The following KLHDC4 variants were observed in gnomAD, a reference collection of about 807,000 sequenced individuals.
KLHDC4 encodes the protein kelch domain containing 4.
A neutral mutation model predicts 62.4 loss-of-function variants in KLHDC4; 90 were observed. The ratio of observed to expected loss-of-function variants is 1.44; its 90% confidence interval spans 1.22 to 1.72. The LOEUF is 1.72. KLHDC4 is among the 40% of genes most tolerant of loss of function. KLHDC4 has a pLI of 0.00. For synonymous variants in KLHDC4, 386 were observed against 284.4 expected (o/e 1.36, Z -3.59); for missense variants, 1,025 against 699.7 (o/e 1.47, Z -5.25).
At chr16:87,734,871 GAGA>G (rs1165523073) in intron 5 of KLHDC4, among the ~76,000 whole-genome samples, 1 of 151,980 alleles carries the variant, frequency 6.6e-6, no homozygotes, top group Non-Finnish European at 1.5e-5. Context: ...AGAGTCAATT[GAGA>G]AGAAAACCCC....
intron 7 of KLHDC4, among the ~76,000 whole-genome samples, chr16:87,715,676 C>G (rs1335776118): frequency 6.6e-6 from 1 of 152,158 alleles, no homozygotes; most frequent in South Asian, 2.1e-4. Flanking sequence ...ATCATTAGGA[C>G]GATCCCCGGG....
At chr16:87,730,424 C>CCAAAGCT in intron 6 of KLHDC4, 128 bp downstream of exon 6, 1 of 773,828 alleles carries the variant, frequency 1.3e-6, no homozygotes. Flanking sequence ...GTGTGGCTGC[C>CCAAAGCT]CAAAGCTCAT....
chr16:87,737,394 C>G (rs1003337186), intron 5 of KLHDC4, among the ~76,000 whole-genome samples: 1 of 152,006 alleles, frequency 6.6e-6, no homozygotes, highest in African/African-American at 2.4e-5. Context: ...TCAAGACCAG[C>G]CTGGCCAACA....
chr16:87,702,081 C>A (rs761836586), exon 1 of KLHDC4: 3 of 454,342 alleles, frequency 6.6e-6, no homozygotes, highest in South Asian at 4.7e-5. Flanking sequence ...ACTTGTGACC[C>A]CCGAGATCAG....
rs547610066 is a variant in KLHDC4 at position 87,724,315 on chromosome 16, A to G, written c.759+2450T>C. Among the ~76,000 whole-genome samples, 5 of 152,336 alleles carry G rather than the reference A, an allele frequency of 3.3e-5. No individual in the cohort carries two copies. In the South Asian group the frequency reaches 1.0e-3, roughly 32 times the overall value. On this transcript the variant is annotated intron_variant, in intron 7 of 11. Transcript: ENST00000270583. ...AGAAAATCTTTGTTACTGAAGCTAA[A>G]CAAGGTCTTCCTGTATCACAGACCG...
chr16:87,752,059 C>T (rs986305479), intron 4 of KLHDC4, among the ~76,000 whole-genome samples: 3 of 117,468 alleles, frequency 2.6e-5, no homozygotes, highest in Non-Finnish European at 4.9e-5. Context: ...CACTGCACTC[C>T]AGCCTGGGCA....
At chr16:87,727,974 C>T (rs991779821) in intron 6 of KLHDC4, among the ~76,000 whole-genome samples, 1 of 152,000 alleles carries the variant, frequency 6.6e-6, no homozygotes, top group South Asian at 2.1e-4. Flanking sequence ...TCACTTGAGG[C>T]GAGGAGTTCA....
At chr16:87,742,717 C>A (rs1444012702) in intron 5 of KLHDC4, among the ~76,000 whole-genome samples, 4 of 152,126 alleles carry the variant, frequency 2.6e-5, no homozygotes, top group African/African-American at 7.2e-5. Flanking sequence ...CTAGGGTCTA[C>A]GTGGAGTACG....
chr16:87,737,868 G>T (rs143446686), intron 5 of KLHDC4, among the ~76,000 whole-genome samples: 1 of 152,176 alleles, frequency 6.6e-6, no homozygotes, highest in East Asian at 1.9e-4. Flanking sequence ...TGGGATTACA[G>T]GTGTGAACCA....
exon 1 of KLHDC4, chr16:87,698,377 GCTCTCAGACTCCTGCTCTGTGCA>G (rs1425278976): frequency 1.1e-5 from 1 of 88,804 alleles, no homozygotes; most frequent in Non-Finnish European, 2.0e-5. Context: ...GCTCTGTGCA[GCTCTCAGACTCCTGCTCTGTGCA>G]GCTCTCACAA....
exon 1 of KLHDC4, chr16:87,700,136 C>G (rs533605025): frequency 6.6e-6 from 1 of 152,466 alleles, no homozygotes; most frequent in East Asian, 1.9e-4. Flanking sequence ...TCACCTCATA[C>G]GTGCGACAGA....
chr16:87,720,391 T>C (rs1000308750), intron 7 of KLHDC4, among the ~76,000 whole-genome samples: 2 of 151,638 alleles, frequency 1.3e-5, no homozygotes, highest in Non-Finnish European at 2.9e-5. Context: ...CCACTGAGAC[T>C]GTCCATCCAG....
chr16:87,732,444 T>A (rs1005337506), intron 5 of KLHDC4, among the ~76,000 whole-genome samples: 1 of 152,044 alleles, frequency 6.6e-6, no homozygotes, highest in African/African-American at 2.4e-5. Flanking sequence ...CTAAAAGGCA[T>A]GCATTTTATT....
At chr16:87,735,604 G>T (rs1179683559) in intron 5 of KLHDC4, among the ~76,000 whole-genome samples, 1 of 152,146 alleles carries the variant, frequency 6.6e-6, no homozygotes, top group Non-Finnish European at 1.5e-5. Flanking sequence ...ACCTAAAAGG[G>T]GAAAATTTTC....
At chr16:87,749,436 C>A (rs2043554349) in intron 4 of KLHDC4, among the ~76,000 whole-genome samples, 1 of 151,898 alleles carries the variant, frequency 6.6e-6, no homozygotes, top group Non-Finnish European at 1.5e-5. Flanking sequence ...CACCTGTAGT[C>A]CCAGCTGCTT....
intron 5 of KLHDC4, 153 bp from the exon 6 acceptor site, chr16:87,730,797 C>A: frequency 3.2e-6 from 2 of 633,836 alleles, no homozygotes; most frequent in South Asian, 3.7e-5. Context: ...TCTGATCTAT[C>A]AACTACCAAA....
rs536432824 is a variant in KLHDC4 at position 87,742,087 on chromosome 16, T to A, written c.506+6586A>T. Among the ~76,000 whole-genome samples the A allele has an allele frequency of 6.9e-4, 104 of 151,682 alleles. 1 individual carries two copies. The highest frequency in any genetic ancestry group is 6.8e-3 in the Middle Eastern group (2 of 294). On this transcript the variant is annotated intron_variant, in intron 5 of 11. Transcript: ENST00000270583. ...GAATCTCCTGACCTTTCCTTTTAGA[T>A]CAATTTAAAAAAAAAAATGACAGAG...
intron 4 of KLHDC4, among the ~76,000 whole-genome samples, chr16:87,753,229 C>A (rs551854320): frequency 6.6e-6 from 1 of 152,176 alleles, no homozygotes; most frequent in Non-Finnish European, 1.5e-5. Context: ...TAAACTGCAC[C>A]CTGGGAGGGT....
chr16:87,711,240 G>A lies in KLHDC4; in HGVS notation c.1039C>T (p.Leu347=). Reference sequence around the variant, plus strand: ...CTACTCAGAGGTTGCACTACCTTCAGCTGTCCCTCAAACCAACGGTTCCTG... The same window carrying A: ...CTACTCAGAGGTTGCACTACCTTCAACTGTCCCTCAAACCAACGGTTCCTG... ...ATRNRWFEGQ[L]KGPKSEKKKR... The change falls in exon 9 of 12, where the codon CTG becomes TTG. Residue 347 remains leucine, a synonymous_variant. Transcript: ENST00000270583. 1 of 1,614,046 alleles carries A rather than the reference G, an allele frequency of 6.2e-7. No homozygotes were observed. Among genetic ancestry groups the A allele is most frequent in the Non-Finnish European group, 8.5e-7 (1 of 1,180,012 alleles).
Sources: allele counts gnomAD v4.1 joint callset (sites outside exome capture counted in the v4.1 genomes callset), GRCh38; gene constraint gnomAD v4.1.1; transcripts MANE v1.5; gene names NCBI Gene and HGNC (gene_info 2026-07-23, HGNC 2026-07-21).